Variants in WDR70 observed in about 807,000 individuals in gnomAD.
WDR70 encodes the protein WD repeat-containing protein 70.
In WDR70, 53 loss-of-function variants were observed where a neutral mutation model predicts 88.6. The ratio of observed to expected loss-of-function variants is 0.60; its 90% CI spans 0.48 to 0.75. The LOEUF is 0.75. WDR70 is among the 30% of genes least tolerant of loss of function. The probability of loss-of-function intolerance (pLI) is 0.00; values close to 1 mark genes in which losing one functional copy is unlikely to be tolerated. For missense variants in WDR70, 610 were observed against 823.2 expected, an observed-to-expected ratio of 0.74 and a Z score of 3.17; for synonymous variants, 280 against 270.0, an observed-to-expected ratio of 1.04 and a Z score of -0.36.
chr5:37,500,502 C>A (rs1740374412), intron 8 of WDR70, among the ~76,000 whole-genome samples: 1 of 152,066 alleles, frequency 6.6e-6, no homozygotes, highest in Admixed American at 6.5e-5. Context: ...TTTGAGAAAT[C>A]TCCATATTGT....
intron 17 of WDR70, among the ~76,000 whole-genome samples, chr5:37,743,642 GCTGTGGCAGT>G (rs1229428707): frequency 6.6e-6 from 1 of 152,186 alleles, no homozygotes; most frequent in Non-Finnish European, 1.5e-5. Context: ...CAACACACCG[GCTGTGGCAGT>G]CTGTGGCCAG....
chr5:37,390,475 G>A (rs937258871), intron 3 of WDR70, among the ~76,000 whole-genome samples: 3 of 151,806 alleles, frequency 2.0e-5, no homozygotes, highest in African/African-American at 7.3e-5. Flanking sequence ...GTGTAGCTGG[G>A]ACTACAGGCG....
At chr5:37,427,256 G>A (rs1750155888) in intron 5 of WDR70, among the ~76,000 whole-genome samples, 1 of 152,126 alleles carries the variant, frequency 6.6e-6, no homozygotes, top group South Asian at 2.1e-4. Flanking sequence ...GGGCGTGGTG[G>A]CGGGCGCCTG....
intron 4 of WDR70, among the ~76,000 whole-genome samples, chr5:37,394,647 G>A (rs1748953598): frequency 6.6e-6 from 1 of 152,166 alleles, no homozygotes; most frequent in African/African-American, 2.4e-5. Flanking sequence ...TAGAAGGAGT[G>A]TGCCCTTAGA....
chr5:37,389,031 G>A (rs190920970), intron 3 of WDR70, among the ~76,000 whole-genome samples: 28 of 151,704 alleles, frequency 1.8e-4, no homozygotes, highest in African/African-American at 5.8e-4. Flanking sequence ...GCCACCCCCC[G>A]AGGTCTGGAG....
chr5:37,655,697 C>G (rs934919987), intron 10 of WDR70, among the ~76,000 whole-genome samples: 1 of 151,622 alleles, frequency 6.6e-6, no homozygotes, highest in South Asian at 2.1e-4. Context: ...GATTTTCAAT[C>G]TCTGATATCC....
chr5:37,400,745 G>A (rs1289231334), intron 5 of WDR70, among the ~76,000 whole-genome samples: 1 of 152,116 alleles, frequency 6.6e-6, no homozygotes, highest in Non-Finnish European at 1.5e-5. Context: ...AGCTAATACA[G>A]GTTTGCAAGG....
intron 9 of WDR70, among the ~76,000 whole-genome samples, chr5:37,520,775 T>C (rs7710108): frequency 0.97 from 147,815 of 152,236 alleles, 71,924 homozygotes; most frequent in East Asian, 1. Context: ...AAGAAATTAC[T>C]TAAATCTGAT....
In WDR70 at chr5:37,731,449, T is replaced by C. The variant is rs547507119; in HGVS notation, c.1877+4404T>C. On this transcript the variant is annotated intron_variant, in intron 17 of 17. Coordinates refer to ENST00000265107, the MANE Select transcript of WDR70 (RefSeq NM_018034.4). ...GTCATATCAAGGCTGGCCAGCGAAA[T>C]AGCATGCTTTAGCCTTCATTTGAAT... Among the ~76,000 whole-genome samples, 3 of 152,192 alleles carry C rather than the reference T, an allele frequency of 2.0e-5. No homozygotes were observed. In the South Asian group the frequency reaches 6.2e-4, roughly 32 times the overall value.
chr5:37,516,710 TAC>T (rs199976916), intron 9 of WDR70, 120 bp downstream of exon 9: 14,649 of 160,970 alleles, frequency 0.091, 1,887 homozygotes, highest in Middle Eastern at 0.16. Context: ...TCTTATTATA[TAC>T]ATATATATAT....
intron 13 of WDR70, among the ~76,000 whole-genome samples, chr5:37,708,751 G>T (rs2112673251): frequency 6.6e-6 from 1 of 152,238 alleles, no homozygotes; most frequent in South Asian, 2.1e-4. Flanking sequence ...GAAGCAGAAA[G>T]GTAATTCAAA....
At chr5:37,574,635 A>G (rs1281604337) in intron 9 of WDR70, among the ~76,000 whole-genome samples, 1 of 152,150 alleles carries the variant, frequency 6.6e-6, no homozygotes, top group Non-Finnish European at 1.5e-5. Context: ...AGACTTACAG[A>G]TCTAATAGCC....
At chr5:37,668,105 A>G in intron 10 of WDR70, among the ~76,000 whole-genome samples, 1 of 152,196 alleles carries the variant, frequency 6.6e-6, no homozygotes, top group Admixed American at 6.5e-5. Flanking sequence ...ACAATTCTCT[A>G]GGAACCCTTG....
chr5:37,539,192 G>T (rs969622017), intron 9 of WDR70, among the ~76,000 whole-genome samples: 1 of 152,074 alleles, frequency 6.6e-6, no homozygotes, highest in South Asian at 2.1e-4. Flanking sequence ...TAAGATTTTT[G>T]ATACTTCTGC....
At chr5:37,746,305 A>G (rs1347073923) in intron 17 of WDR70, among the ~76,000 whole-genome samples, 4 of 152,194 alleles carry the variant, frequency 2.6e-5, no homozygotes, top group Non-Finnish European at 5.9e-5. Flanking sequence ...CTAGCACTAA[A>G]TGCCCACATT....
chr5:37,711,881 G>A (rs1011080298), intron 13 of WDR70, among the ~76,000 whole-genome samples: 4 of 150,778 alleles, frequency 2.7e-5, no homozygotes, highest in African/African-American at 7.3e-5. Context: ...TTATATTCTT[G>A]TTGGGACTAA....
intron 9 of WDR70, among the ~76,000 whole-genome samples, chr5:37,546,647 G>A (rs747997394): frequency 6.6e-6 from 1 of 151,996 alleles, no homozygotes; most frequent in Non-Finnish European, 1.5e-5. Context: ...GACCAGATGC[G>A]GTGGCTCACG....
chr5:37,447,208 T>C (rs183457185), intron 7 of WDR70, among the ~76,000 whole-genome samples: 30 of 152,224 alleles, frequency 2.0e-4, no homozygotes, highest in Non-Finnish European at 2.9e-4. Context: ...CATTGGCCAT[T>C]AGAGAAATGC....
chr5:37,653,000 G>A (rs1745450464), intron 10 of WDR70, among the ~76,000 whole-genome samples: 1 of 152,290 alleles, frequency 6.6e-6, no homozygotes, highest in East Asian at 1.9e-4. Flanking sequence ...GTGGGAGGGG[G>A]CATCCTTGTC....
Sources: gnomAD v4.1 joint callset for allele counts (sites outside exome capture counted in the v4.1 genomes callset) on GRCh38, gnomAD v4.1.1 for gene constraint, MANE v1.5 for transcripts, NCBI Gene and HGNC (gene_info 2026-07-23, HGNC 2026-07-21) for gene names.